Variants in VANGL1 observed in about 807,000 individuals in gnomAD.
VANGL1 encodes VANGL planar cell polarity protein 1.
Under a neutral mutation model 48.4 loss-of-function variants are expected in VANGL1, and 18 were observed. That is an observed-to-expected ratio of 0.37 (90% CI 0.26 to 0.55). VANGL1 has a LOEUF of 0.55. VANGL1 is among the 20% of genes least tolerant of loss of function. The pLI is 0.81. For missense variants in VANGL1, 667 were observed against 675.8 expected, an observed-to-expected ratio of 0.99 and a Z score of 0.14; for synonymous variants, 257 against 261.8, an observed-to-expected ratio of 0.98 and a Z score of 0.18.
intron 2 of VANGL1, 100 bp from the exon 3 acceptor site, chr1:115,659,535 GTGTGTA>G (rs1443321335): frequency 5.7e-6 from 7 of 1,238,654 alleles, no homozygotes; most frequent in East Asian, 5.0e-5. Context: ...GTGTGTGTGT[GTGTGTA>G]TGTAGAATTT....
intron 4 of VANGL1, among the ~76,000 whole-genome samples, chr1:115,681,446 G>A (rs1653378939): frequency 1.3e-5 from 2 of 151,970 alleles, no homozygotes; most frequent in Non-Finnish European, 1.5e-5. Context: ...GCACTCCAAG[G>A]GGCAGGGGGA....
At chr1:115,660,272 G>C (rs561560001) in intron 3 of VANGL1, among the ~76,000 whole-genome samples, 1 of 152,254 alleles carries the variant, frequency 6.6e-6, no homozygotes, top group East Asian at 1.9e-4. Flanking sequence ...ACCTAGCTTT[G>C]GGTTAACAGC....
chr1:115,684,273 C>T (rs556510239), intron 6 of VANGL1, among the ~76,000 whole-genome samples, 197 bp downstream of exon 6: 101 of 151,858 alleles, frequency 6.7e-4, no homozygotes, highest in African/African-American at 1.6e-3. Flanking sequence ...CAAATAGCTG[C>T]GATCACAGGC....
intron 4 of VANGL1, among the ~76,000 whole-genome samples, chr1:115,679,423 G>T (rs1338320205): frequency 6.6e-6 from 1 of 152,264 alleles, no homozygotes; most frequent in Non-Finnish European, 1.5e-5. Flanking sequence ...CCAGGACTTT[G>T]CTCTGAGGGG....
chr1:115,667,626 C>G (rs1381117536), intron 4 of VANGL1, among the ~76,000 whole-genome samples: 4 of 152,208 alleles, frequency 2.6e-5, no homozygotes, highest in Non-Finnish European at 5.9e-5. Context: ...ACACCGCTTA[C>G]CCCACCGCAC....
intron 5 of VANGL1, 53 bp downstream of exon 5, chr1:115,682,550 C>T: frequency 6.2e-7 from 1 of 1,613,698 alleles, no homozygotes; most frequent in Non-Finnish European, 8.5e-7. Context: ...AGTTGGGTGA[C>T]TATTTAAGAT....
At chr1:115,663,630 C>A in intron 3 of VANGL1, 31 bp from the exon 4 acceptor site, 2 of 1,613,958 alleles carry the variant, frequency 1.2e-6, no homozygotes, top group South Asian at 1.1e-5. Context: ...TGACCTGTGT[C>A]ATGTCATCCT....
chr1:115,680,034 A>T (rs879653377), intron 4 of VANGL1, among the ~76,000 whole-genome samples: 7,545 of 146,952 alleles, frequency 0.051, 216 homozygotes, highest in East Asian at 0.11. Context: ...TGTGAGAGAG[A>T]GAGAGAGAGA....
intron 4 of VANGL1, among the ~76,000 whole-genome samples, chr1:115,680,024 TGTGA>T (rs1311518356): frequency 4.0e-5 from 1 of 24,776 alleles, no homozygotes; most frequent in Non-Finnish European, 8.9e-5. Flanking sequence ...TGTGTGTGTA[TGTGA>T]GAGAGAGAGA....
At position 115,689,361 on chromosome 1, in the gene VANGL1, G is replaced by A. The variant is rs1459915855; in HGVS notation, c.1315-1758G>A. On this transcript the variant is annotated intron_variant, in intron 7 of 7. Coordinates refer to ENST00000355485, the MANE Select transcript of VANGL1 (RefSeq NM_138959.3). ...AAAAGAGGATACCGGGCCGGGCGCG[G>A]TGGCTCACACCTGTAATCCCAGCAC... 2.2e-5 allele frequency among the ~76,000 whole-genome samples: 3 copies of A among 136,510 alleles called. 1 individual carries two copies. The highest frequency in any genetic ancestry group is 4.8e-5 in the Non-Finnish European group (3 of 62,848). 89.6% of individuals were successfully genotyped at this position (136,510 alleles called of 152,430 possible).
Position 115,691,155 on chromosome 1 carries a change from C to T in VANGL1, c.1351C>T (p.Leu451=). ...LERYLSAGPT[L]QYDKDRWLST... ...ACGGTACCTCAGTGCGGGCCCCACC[C>T]TGCAATATGACAAGGACCGCTGGCT... The change falls in exon 8 of 8, where the codon CTG becomes TTG. Residue 451 remains leucine, a synonymous_variant. Transcript: ENST00000355485. 6 of 1,614,134 alleles carry T rather than the reference C, an allele frequency of 3.7e-6. No homozygotes were observed. The highest frequency in any genetic ancestry group is 2.2e-5 in the East Asian group (1 of 44,858).
chr1:115,690,763 G>A (rs1653800442), intron 7 of VANGL1, among the ~76,000 whole-genome samples: 1 of 152,228 alleles, frequency 6.6e-6, no homozygotes, highest in African/African-American at 2.4e-5. Flanking sequence ...AGGAAGACAT[G>A]GAGAAACACA....
At chr1:115,645,406 C>T (rs1019429325) in intron 1 of VANGL1, among the ~76,000 whole-genome samples, 7 of 152,302 alleles carry the variant, frequency 4.6e-5, no homozygotes, top group Non-Finnish European at 8.8e-5. Flanking sequence ...GTGCCTACCA[C>T]GTGCTAGGCA....
chr1:115,676,288 G>A (rs924512864), intron 4 of VANGL1, among the ~76,000 whole-genome samples: 2 of 152,140 alleles, frequency 1.3e-5, no homozygotes, highest in Non-Finnish European at 2.9e-5. Context: ...ATTTTCAGGA[G>A]GCTGAGAGTT....
intron 1 of VANGL1, among the ~76,000 whole-genome samples, chr1:115,643,017 G>C (rs1019086193): frequency 6.6e-6 from 1 of 152,236 alleles, no homozygotes; most frequent in African/African-American, 2.4e-5. Context: ...CTCCAAACCA[G>C]GTCTAATGCC....
intron 4 of VANGL1, 145 bp downstream of exon 4, chr1:115,664,413 G>C (rs939925362): frequency 7.9e-7 from 1 of 1,267,266 alleles, no homozygotes; most frequent in African/African-American, 1.5e-5. Flanking sequence ...GAGATGCGAG[G>C]GTGGGGAGGG....
intron 2 of VANGL1, among the ~76,000 whole-genome samples, chr1:115,654,617 AG>A (rs1394429376): frequency 6.6e-6 from 1 of 151,880 alleles, no homozygotes; most frequent in Non-Finnish European, 1.5e-5. Context: ...TTATGGCCAG[AG>A]GGTTTGTGAC....
rs1653974510 is a variant in VANGL1 at position 115,694,791 on chromosome 1, C to G, written c.*3412C>G. ...TGTGAGCATTTCTCTGAGTGTATTA[C>G]CAGACGGATAGCACATTTATATGTC... On this transcript the variant is annotated 3_prime_UTR_variant, in exon 8 of 8. Coordinates refer to ENST00000355485, the MANE Select transcript of VANGL1 (RefSeq NM_138959.3). 1 of 152,160 alleles carries G rather than the reference C, an allele frequency of 6.6e-6. No individual in the cohort carries two copies. Among genetic ancestry groups the G allele is most frequent in the Non-Finnish European group, 1.5e-5 (1 of 68,042 alleles). 9.4% of individuals were successfully genotyped at this position (152,160 alleles called of 1,614,324 possible).
chr1:115,696,740 C>T lies in VANGL1; in HGVS notation c.*5361C>T, dbSNP rs1654045138. On this transcript the variant is annotated 3_prime_UTR_variant, in exon 8 of 8. Transcript: ENST00000355485. The stretch of plus-strand genomic sequence containing the variant: ...TAGTGGGTTGTTTTAGTCTCTCCAA[C>T]AAAAGAGCAGATTCCTAAAGCCAGG... The T allele has an allele frequency of 6.6e-6, 1 of 152,164 alleles. No homozygotes were observed. Among genetic ancestry groups the T allele is most frequent in the African/African-American group, 2.4e-5 (1 of 41,440 alleles). 9.4% of individuals were successfully genotyped at this position (152,164 alleles called of 1,614,324 possible). A position where few individuals can be genotyped will look rare whatever the true frequency, so the allele number is the denominator to read the frequency against.
Sources: allele counts gnomAD v4.1 joint callset (sites outside exome capture counted in the v4.1 genomes callset), GRCh38; gene constraint gnomAD v4.1.1; transcripts MANE v1.5; gene names NCBI Gene and HGNC (gene_info 2026-07-23, HGNC 2026-07-21).